ANK3: variants seen among roughly 807,000 people sequenced by gnomAD.
ANK3 encodes the protein ankyrin-3.
ANK3 carries 57 observed loss-of-function variants against 370.9 expected under a neutral mutation model. The ratio of observed to expected loss-of-function variants is 0.15; its 90% CI spans 0.12 to 0.19. The LOEUF is 0.19. ANK3 is among the 10% of genes least tolerant of loss of function. The pLI is 1.00. For missense variants in ANK3, 4,439 were observed against 5,302.1 expected (o/e 0.84, Z 5.06); for synonymous variants, 1,929 against 1,946.3 (o/e 0.99, Z 0.23).
rs748577068 is a variant in ANK3 at position 60,075,051 on chromosome 10, G to C, written c.5830C>G (p.Pro1944Ala). The change falls in exon 37 of 44, where the codon CCT (proline) becomes GCT (alanine). Residue 1944 changes from proline to alanine, a missense_variant. Physicochemically the swap from Pro to Ala is conservative, Grantham distance 27 (BLOSUM62 -1). Around this residue, in one of 13 missense-constraint regions of ANK3, gnomAD observed 679 missense variants for 791.0 expected, o/e 0.86. Coordinates refer to ENST00000280772, the MANE Select transcript of ANK3 (RefSeq NM_020987.5). ...TTTACTTTCTCTACAATTTTGAAAG[G>C]TTCTTCATCATCTATTCTCCCTTCC... ...PKEGRIDDEE[P>A]FKIVEKVKED... 1 of 1,613,868 alleles carries C rather than the reference G, an allele frequency of 6.2e-7. No individual in the cohort carries two copies. Among genetic ancestry groups the C allele is most frequent in the South Asian group, 1.1e-5 (1 of 91,050 alleles).
rs190284032 is a variant in ANK3, at chr10:60,424,427, G to A, written c.97-144788C>T. On this transcript the variant is annotated intron_variant, in intron 2 of 43. Coordinates refer to the ANK3 transcript ENST00000373827. ...AAATAGTGACTCTTTAGTATAGACA[G>A]TATTCAAAGATAGAGATGGAAGCTA... Among the ~76,000 whole-genome samples, 57 of 152,124 alleles carry A rather than the reference G, an allele frequency of 3.7e-4. No homozygotes were observed. The East Asian group carries it at 9.3e-3, about 25-fold the overall frequency.
chr10:60,052,688 A>T (rs1465055294), intron 42 of ANK3, among the ~76,000 whole-genome samples: 1 of 152,212 alleles, frequency 6.6e-6, no homozygotes, highest in Non-Finnish European at 1.5e-5. Context: ...GTATTTACTG[A>T]GTGGTTAAAT....
intron 1 of ANK3, among the ~76,000 whole-genome samples, chr10:60,289,295 T>A (rs1209186440): frequency 6.7e-6 from 1 of 149,180 alleles, no homozygotes; most frequent in Non-Finnish European, 1.5e-5. Context: ...AGAGATGGGG[T>A]CTTGCTCTGT....
intron 2 of ANK3, among the ~76,000 whole-genome samples, chr10:60,502,374 G>T (rs538582384): frequency 9.2e-4 from 140 of 152,344 alleles, no homozygotes; most frequent in African/African-American, 2.9e-3. Flanking sequence ...TGGCTCCAGT[G>T]CTGGACAGAC....
At chr10:60,518,774 G>T (rs763217528) in intron 2 of ANK3, among the ~76,000 whole-genome samples, 1 of 150,296 alleles carries the variant, frequency 6.7e-6, no homozygotes, top group Non-Finnish European at 1.5e-5. Context: ...ACTACCAAGG[G>T]CTTGAATACA....
chr10:60,118,170 T>C (rs894332982), intron 25 of ANK3, among the ~76,000 whole-genome samples: 3 of 152,242 alleles, frequency 2.0e-5, no homozygotes, highest in Non-Finnish European at 2.9e-5. Context: ...ATTATGTTTT[T>C]TCCTAACAAG....
chr10:60,638,052 C>A (rs1232807044), intron 1 of ANK3, among the ~76,000 whole-genome samples: 1 of 152,074 alleles, frequency 6.6e-6, no homozygotes, highest in Non-Finnish European at 1.5e-5. Flanking sequence ...GGAAATAATT[C>A]CAATTTGTGA....
chr10:60,317,768 C>T (rs1272409443), intron 1 of ANK3, among the ~76,000 whole-genome samples: 1 of 143,032 alleles, frequency 7.0e-6, no homozygotes, highest in Non-Finnish European at 1.5e-5. Context: ...GGCTGGAGTG[C>T]AGTGGTGCGA....
chr10:60,188,147 G>A (rs1176198040), intron 16 of ANK3, among the ~76,000 whole-genome samples: 1 of 152,218 alleles, frequency 6.6e-6, no homozygotes, highest in Non-Finnish European at 1.5e-5. Flanking sequence ...CATGAAGAAA[G>A]GAATCCTCAG....
intron 1 of ANK3, among the ~76,000 whole-genome samples, chr10:60,671,028 A>G (rs1022475897): frequency 1.3e-5 from 2 of 152,230 alleles, no homozygotes; most frequent in Non-Finnish European, 1.5e-5. Context: ...AAGTAAATCA[A>G]TAGGAACCTG....
At position 60,068,971 on chromosome 10, in the gene ANK3, G is replaced by C; in HGVS notation, c.11910C>G (p.Thr3970=). The C allele has an allele frequency of 6.2e-7, 1 of 1,610,196 alleles. No homozygotes were observed. The highest frequency in any genetic ancestry group is 1.1e-5 in the South Asian group (1 of 90,850). The change falls in exon 37 of 44, where the codon ACC becomes ACG. Residue 3970 remains threonine (T), a synonymous_variant. Transcript: ENST00000280772. ...TGGTGGTGGTGGTAGTGGTGGTAGT[G>C]GTGGTGGTGGTGGCAGTGGTGGTGG... The part of the protein sequence containing the change: ...TTTTTTATTT[T]TTTTTTTTSC...
intron 29 of ANK3, 34 bp from the exon 30 acceptor site, chr10:60,086,918 A>AATT: frequency 1.6e-6 from 2 of 1,244,422 alleles, no homozygotes; most frequent in African/African-American, 4.2e-5. Context: ...AATGAAAGTG[A>AATT]CTTTTTTTTT....
intron 2 of ANK3, among the ~76,000 whole-genome samples, chr10:60,414,018 A>T (rs1319978369): frequency 6.6e-6 from 1 of 152,098 alleles, no homozygotes; most frequent in Non-Finnish European, 1.5e-5. Flanking sequence ...GAAAAAACTA[A>T]AACACTCTCT....
At chr10:60,712,194 A>G (rs925285525) in intron 1 of ANK3, among the ~76,000 whole-genome samples, 3 of 152,222 alleles carry the variant, frequency 2.0e-5, no homozygotes, top group Non-Finnish European at 4.4e-5. Context: ...TAAAATAATA[A>G]CAAGAGTAAC....
chr10:60,075,747 C>T lies in ANK3; in HGVS notation c.5134G>A (p.Glu1712Lys). 1 of 1,614,174 alleles carries T rather than the reference C, an allele frequency of 6.2e-7. No individual in the cohort carries two copies. The highest frequency in any genetic ancestry group is 8.5e-7 in the Non-Finnish European group (1 of 1,180,010). The change falls in exon 37 of 44, where the codon GAG becomes AAG. Residue 1712 changes from glutamate (E) to lysine (K), a missense_variant. Physicochemically the swap from Glu to Lys is moderately conservative, Grantham distance 56. This residue lies in a region of ANK3 where 679 missense variants were observed against 791.0 expected (regional missense o/e 0.86). Coordinates refer to ENST00000280772, the MANE Select transcript of ANK3 (RefSeq NM_020987.5). ...ATAGATCCATTGACTAATGCTACCT[C>T]TGCATGTCCAGGCATCTGCTTCACA... is the stretch of plus-strand genomic sequence containing the variant. The part of the protein sequence containing the change: ...SPVKQMPGHA[E>K]VALVNGSISP...
rs368843645 is a variant in ANK3, at chr10:60,074,808, C to T, written c.6073G>A (p.Glu2025Lys). ...RVQVKAKAASEKDYNLTKVID... is the reference protein window; with the variant it reads ...RVQVKAKAASKKDYNLTKVID... Reference sequence around the variant, plus strand: ...ACTTTGGTCAAGTTATAATCCTTTTCGGAGGCGGCTTTTGCTTTTACTTGC... The same window carrying T: ...ACTTTGGTCAAGTTATAATCCTTTTTGGAGGCGGCTTTTGCTTTTACTTGC... The change falls in exon 37 of 44, where the codon GAA (glutamate) becomes AAA (lysine). Residue 2025 changes from glutamate to lysine, a missense_variant. By Grantham distance (56) the Glu-to-Lys change is moderately conservative. This residue lies in a region of ANK3 where 679 missense variants were observed against 791.0 expected (regional missense o/e 0.86). Coordinates refer to ENST00000280772, the MANE Select transcript of ANK3 (RefSeq NM_020987.5). 237 of 1,613,826 alleles carry T rather than the reference C, an allele frequency of 1.5e-4. No homozygotes were observed. The highest frequency in any genetic ancestry group is 3.1e-4 in the South Asian group (28 of 90,974).
chr10:60,535,421 T>G (rs1449988385), intron 2 of ANK3, among the ~76,000 whole-genome samples: 4 of 152,138 alleles, frequency 2.6e-5, no homozygotes, highest in African/African-American at 4.8e-5. Flanking sequence ...CAGAAGACTC[T>G]GAAAGCCCCT....
chr10:60,324,497 C>T (rs1243536346), intron 1 of ANK3, among the ~76,000 whole-genome samples: 2 of 152,098 alleles, frequency 1.3e-5, no homozygotes, highest in Non-Finnish European at 2.9e-5. Flanking sequence ...TCATTAATTC[C>T]CTGAACTTTC....
intron 25 of ANK3, among the ~76,000 whole-genome samples, chr10:60,132,510 C>T (rs896751081): frequency 6.6e-6 from 1 of 152,172 alleles, no homozygotes; most frequent in Non-Finnish European, 1.5e-5. Flanking sequence ...GAGGCCTCCC[C>T]AGCCATGTGG....
Sources: allele counts gnomAD v4.1 joint callset (sites outside exome capture counted in the v4.1 genomes callset), GRCh38; gene constraint gnomAD v4.1.1; regional missense constraint gnomAD v4.1.1; transcripts MANE v1.5; gene names NCBI Gene and HGNC (gene_info 2026-07-23, HGNC 2026-07-21).